DDX19B: variants seen among roughly 807,000 people sequenced by gnomAD.
DDX19B encodes the protein ATP-dependent RNA helicase DDX19B.
A neutral mutation model predicts 58.1 loss-of-function variants in DDX19B; 27 were observed. That is an observed-to-expected ratio of 0.46 (90% CI 0.34 to 0.64). DDX19B has a LOEUF of 0.64. Ranked by LOEUF, DDX19B falls within the 30% of genes least tolerant of loss-of-function variation. The pLI is 0.01. For synonymous variants in DDX19B, 187 were observed against 214.4 expected (o/e 0.87, Z 1.12); for missense variants, 399 against 596.5 (o/e 0.67, Z 3.45).
chr16:70,320,498 C>T (rs1223860598), intron 5 of DDX19B, among the ~76,000 whole-genome samples: 1 of 151,856 alleles, frequency 6.6e-6, no homozygotes, highest in Non-Finnish European at 1.5e-5. Context: ...GGCCTCCCAC[C>T]CAAGTAGCGG....
chr16:70,294,664 C>CTTTGTTT, upstream of DDX19B: 1 of 453,732 alleles, frequency 2.2e-6, no homozygotes, highest in Non-Finnish European at 3.9e-6. Flanking sequence ...GGAAACAAAG[C>CTTTGTTT]CCTCTGCGGG....
chr16:70,333,593 C>T lies in DDX19B; in HGVS notation c.*11C>T. 1 of 1,613,992 alleles carries T rather than the reference C, an allele frequency of 6.2e-7. No individual in the cohort carries two copies. The highest frequency in any genetic ancestry group is 8.5e-7 in the Non-Finnish European group (1 of 1,179,868). On this transcript the variant is annotated 3_prime_UTR_variant, in exon 12 of 12. Coordinates refer to ENST00000288071, the MANE Select transcript of DDX19B (RefSeq NM_007242.7). ...AAAATAGCCAACTGAGAAGCTCCAC[C>T]AGCCACTGATGCCAGCCCTGGCACT...
At chr16:70,321,327 C>T (rs1481612552) in intron 5 of DDX19B, among the ~76,000 whole-genome samples, 2 of 151,964 alleles carry the variant, frequency 1.3e-5, no homozygotes, top group African/African-American at 4.8e-5. Context: ...ACTTTGTTGC[C>T]CAGACTTGTC....
At chr16:70,314,423 G>T (rs887197122) in intron 2 of DDX19B, among the ~76,000 whole-genome samples, 1 of 152,164 alleles carries the variant, frequency 6.6e-6, no homozygotes, top group Admixed American at 6.6e-5. Flanking sequence ...AGCACTTTGG[G>T]AGGCCAAGGC....
chr16:70,311,162 A>G (rs1243796835), intron 1 of DDX19B, among the ~76,000 whole-genome samples: 2 of 151,838 alleles, frequency 1.3e-5, no homozygotes. Flanking sequence ...TCACGAGGTC[A>G]GGAGATCAAG....
chr16:70,303,756 T>A lies in DDX19B; in HGVS notation c.57+4402T>A, dbSNP rs530976470. On this transcript the variant is annotated intron_variant, in intron 1 of 11. Transcript: ENST00000288071. Reference sequence around the variant, plus strand: ...TTGTATTTTTAGTAGAGATGGGGTTTCACCATGTTAGCCAGGATGGTCTCG... The same window carrying A: ...TTGTATTTTTAGTAGAGATGGGGTTACACCATGTTAGCCAGGATGGTCTCG... 2.0e-5 allele frequency among the ~76,000 whole-genome samples: 3 copies of A among 151,904 alleles called. No homozygotes were observed. The South Asian group carries it at 6.2e-4, about 32-fold the overall frequency.
At chr16:70,324,229 G>A (rs1963012503) in intron 5 of DDX19B, among the ~76,000 whole-genome samples, 1 of 151,896 alleles carries the variant, frequency 6.6e-6, no homozygotes, top group Admixed American at 6.6e-5. Context: ...CAACTGCAGT[G>A]ACTCACACCT....
At chr16:70,329,241 A>G in intron 7 of DDX19B, 51 bp from the exon 8 acceptor site, 2 of 1,566,208 alleles carry the variant, frequency 1.3e-6, no homozygotes, top group South Asian at 1.2e-5. Context: ...AAAAAAAAAA[A>G]AAGAAAGAAA....
intron 7 of DDX19B, among the ~76,000 whole-genome samples, chr16:70,327,983 C>T (rs1365805965): frequency 6.6e-6 from 1 of 151,902 alleles, no homozygotes; most frequent in African/African-American, 2.4e-5. Context: ...GAAACCCAGT[C>T]TCTACTAAAA....
At chr16:70,331,664 T>C (rs1291527536) in intron 9 of DDX19B, 58 bp from the exon 10 acceptor site, 4 of 1,573,656 alleles carry the variant, frequency 2.5e-6, no homozygotes, top group Non-Finnish European at 3.4e-6. Context: ...TTTTTAGCAG[T>C]TGTCTTCCTT....
intron 5 of DDX19B, 163 bp downstream of exon 5, chr16:70,317,751 G>C (rs1021155885): frequency 2.2e-6 from 1 of 449,938 alleles, no homozygotes; most frequent in Non-Finnish European, 3.9e-6. Flanking sequence ...CAGCCTGGGC[G>C]ATGTAGCAAG....
chr16:70,299,380 G>T lies in DDX19B; in HGVS notation c.57+26G>T, dbSNP rs767066125. The T allele has an allele frequency of 6.3e-6, 10 of 1,592,780 alleles. No individual in the cohort carries two copies. The African/African-American group carries it at 1.2e-4, about 19-fold the overall frequency. On this transcript the variant is annotated intron_variant, in intron 1 of 11. Coordinates refer to ENST00000288071, the MANE Select transcript of DDX19B (RefSeq NM_007242.7). ...GTGAGTTGGCTTCAGCCCTAAAAGG[G>T]TCAGGGGACTAGTTCTGGTCGGAGA... is the stretch of plus-strand genomic sequence containing the variant.
rs982350868 is a variant in DDX19B at position 70,335,102 on chromosome 16, G to C, written c.*1520G>C. On this transcript the variant is annotated 3_prime_UTR_variant, in exon 12 of 12. Transcript: ENST00000288071. ...GACATTACAAAGAGACCAACAGACT[G>C]CCAATTCTACCACATTCCCCTGGTG... is the stretch of plus-strand genomic sequence containing the variant. 6.6e-6 allele frequency: 1 copy of C among 152,170 alleles called. No homozygotes were observed. Among genetic ancestry groups the C allele is most frequent in the African/African-American group, 2.4e-5 (1 of 41,434 alleles). 9.4% of individuals were successfully genotyped at this position (152,170 alleles called of 1,614,324 possible). A position where few individuals can be genotyped will look rare whatever the true frequency, so the allele number is the denominator to read the frequency against.
chr16:70,306,706 A>G (rs1961771291), intron 1 of DDX19B, among the ~76,000 whole-genome samples: 2 of 152,234 alleles, frequency 1.3e-5, no homozygotes, highest in African/African-American at 2.4e-5. Flanking sequence ...CCTGCATTTT[A>G]TGAAACAGAA....
In DDX19B at chr16:70,308,601, A is replaced by T. The variant is rs527432045; in HGVS notation, c.58-4008A>T. ...ACCCAGGCTTGTCTCGAACTCCATG[A>T]GTTCCAAGGATCCTCCCTCCTCGGC... On this transcript the variant is annotated intron_variant, in intron 1 of 11. Coordinates refer to ENST00000288071, the MANE Select transcript of DDX19B (RefSeq NM_007242.7). Among the ~76,000 whole-genome samples, 3 of 151,666 alleles carry T rather than the reference A, an allele frequency of 2.0e-5. No individual in the cohort carries two copies. The South Asian group carries it at 6.3e-4, about 32-fold the overall frequency.
rs539827093 is a variant in DDX19B, at chr16:70,305,116, A to T, written c.57+5762A>T. Among the ~76,000 whole-genome samples, 109 of 152,340 alleles carry T rather than the reference A, an allele frequency of 7.2e-4. 3 individuals carry two copies. In the South Asian group the frequency reaches 0.022, roughly 31 times the overall value. ...AAAGTTGAGTGGAAGCTGTAAACAC[A>T]TGAGTGGGGCTTGTCTATTCTGACC... On this transcript the variant is annotated intron_variant, in intron 1 of 11. Coordinates refer to ENST00000288071, the MANE Select transcript of DDX19B (RefSeq NM_007242.7).
intron 5 of DDX19B, among the ~76,000 whole-genome samples, chr16:70,323,103 G>GT (rs1210191533): frequency 6.6e-6 from 1 of 151,444 alleles, no homozygotes; most frequent in African/African-American, 2.4e-5. Context: ...TTTGTTTTTT[G>GT]TTTTTTTGAG....
upstream of DDX19B, among the ~76,000 whole-genome samples, chr16:70,293,758 C>T (rs1692552773): frequency 6.7e-6 from 1 of 150,154 alleles, no homozygotes; most frequent in Non-Finnish European, 1.5e-5. Context: ...ACTACAGGCG[C>T]CCGCCACCGT....
rs1263844457 is a variant in DDX19B at position 70,331,959 on chromosome 16, A to AC, written c.1186+76dup. ...CCCAGTTAGAGCCAGAAATCCTTGTACACAGGGAAGTCGGATGGTCTCAGG... is the reference window on the plus strand; with the variant it reads ...CCCAGTTAGAGCCAGAAATCCTTGTACCACAGGGAAGTCGGATGGTCTCAGG... On this transcript the variant is annotated intron_variant, in intron 10 of 11. Transcript: ENST00000288071. 9.8e-5 allele frequency: 155 copies of AC among 1,576,100 alleles called. No homozygotes were observed. In the East Asian group the frequency reaches 3.4e-3, roughly 35 times the overall value.
Sources: gnomAD v4.1 joint callset for allele counts (sites outside exome capture counted in the v4.1 genomes callset) on GRCh38, gnomAD v4.1.1 for gene constraint, MANE v1.5 for transcripts, NCBI Gene and HGNC (gene_info 2026-07-23, HGNC 2026-07-21) for gene names.